The following PTPRD variants were observed in gnomAD, a reference collection of about 807,000 sequenced individuals.
The protein encoded by PTPRD is protein tyrosine phosphatase receptor type D.
Under a neutral mutation model 214.5 loss-of-function variants are expected in PTPRD, and 34 were observed. The ratio of observed to expected loss-of-function variants is 0.16; its 90% CI spans 0.12 to 0.21. The LOEUF is 0.21. Among genes scored for constraint, PTPRD ranks in the 10% least tolerant of loss-of-function variants. The probability of loss-of-function intolerance (pLI) is 1.00; values close to 1 mark genes in which losing one functional copy is unlikely to be tolerated. For synonymous variants in PTPRD, 1,128 were observed against 845.7 expected (o/e 1.33, Z -5.79); for missense variants, 2,545 against 2,398.7 (o/e 1.06, Z -1.27).
At chr9:9,886,906 G>A (rs758875325) in intron 5 of PTPRD, among the ~76,000 whole-genome samples, 3 of 152,114 alleles carry the variant, frequency 2.0e-5, no homozygotes, top group Non-Finnish European at 4.4e-5. Flanking sequence ...CCCAGATGGA[G>A]CAGGCCAGAT....
At chr9:9,320,132 A>C (rs1965710107) in intron 9 of PTPRD, among the ~76,000 whole-genome samples, 1 of 152,192 alleles carries the variant, frequency 6.6e-6, no homozygotes, top group Non-Finnish European at 1.5e-5. Flanking sequence ...TAGGTATATA[A>C]GAATTCCTTT....
rs2138591186 is a variant in PTPRD, at chr9:8,518,390, C to T, written c.1001G>A (p.Ser334Asn). Residue 334 changes from serine to asparagine, a missense_variant, in exon 21 of 46, where the codon AGC becomes AAC. Transcript: ENST00000381196. Reference protein sequence around the residue: ...KPPGTPVVTESTATSITLTWD... With the variant: ...KPPGTPVVTENTATSITLTWD... ...CGTCAGTGTGATGCTTGTAGCTGTG[C>T]TCTCGGTCACTACAGGAGTTCCTGG... is the stretch of plus-strand genomic sequence containing the variant. The T allele has an allele frequency of 6.2e-7, 1 of 1,613,340 alleles. No homozygotes were observed. Among genetic ancestry groups the T allele is most frequent in the Non-Finnish European group, 8.5e-7 (1 of 1,179,650 alleles).
At chr9:10,117,214 G>A (rs144253416) in intron 3 of PTPRD, among the ~76,000 whole-genome samples, 50 of 152,006 alleles carry the variant, frequency 3.3e-4, no homozygotes, top group Non-Finnish European at 6.6e-4. Context: ...CTTTCAACAC[G>A]GCAAGAAAAC....
At chr9:10,036,278 G>A (rs2097179321) in intron 3 of PTPRD, among the ~76,000 whole-genome samples, 1 of 152,028 alleles carries the variant, frequency 6.6e-6, no homozygotes, top group Non-Finnish European at 1.5e-5. Context: ...ACATACAAAT[G>A]GTAGATTGTT....
intron 4 of PTPRD, among the ~76,000 whole-genome samples, chr9:9,976,331 A>T (rs1048314346): frequency 6.6e-6 from 1 of 152,056 alleles, no homozygotes; most frequent in Non-Finnish European, 1.5e-5. Flanking sequence ...AAAACAAAAA[A>T]TATACTTTGT....
chr9:9,698,970 T>C (rs1256771497), intron 7 of PTPRD, among the ~76,000 whole-genome samples: 1 of 152,206 alleles, frequency 6.6e-6, no homozygotes, highest in African/African-American at 2.4e-5. Context: ...TCACTGTTCC[T>C]TGTGTCTAAC....
chr9:8,354,661 T>C (rs929619075), intron 39 of PTPRD, among the ~76,000 whole-genome samples: 1 of 152,208 alleles, frequency 6.6e-6, no homozygotes, highest in African/African-American at 2.4e-5. Flanking sequence ...GTTGCATATA[T>C]TTACAGGCTT....
chr9:9,135,323 C>T (rs547821613), intron 10 of PTPRD, among the ~76,000 whole-genome samples: 31 of 152,252 alleles, frequency 2.0e-4, no homozygotes, highest in South Asian at 1.0e-3. Flanking sequence ...TTTATCACTT[C>T]CTATGTAATC....
At chr9:8,645,240 T>G (rs1200534566) in intron 12 of PTPRD, among the ~76,000 whole-genome samples, 1 of 152,204 alleles carries the variant, frequency 6.6e-6, no homozygotes. Flanking sequence ...AAGTGTAACA[T>G]CATCCCAGGA....
intron 30 of PTPRD, among the ~76,000 whole-genome samples, chr9:8,483,213 T>C (rs1384601675): frequency 6.6e-6 from 1 of 152,228 alleles, no homozygotes; most frequent in Non-Finnish European, 1.5e-5. Context: ...CTCTATGCTG[T>C]GCTACATTCA....
At chr9:10,122,037 G>C (rs2154249176) in intron 3 of PTPRD, among the ~76,000 whole-genome samples, 1 of 152,336 alleles carries the variant, frequency 6.6e-6, no homozygotes, top group African/African-American at 2.4e-5. Flanking sequence ...GCCTGGTGCG[G>C]TGGCTCACGC....
intron 7 of PTPRD, among the ~76,000 whole-genome samples, chr9:9,656,693 G>A (rs1251363022): frequency 6.6e-6 from 1 of 152,076 alleles, no homozygotes; most frequent in Admixed American, 6.6e-5. Context: ...TATAATGGTG[G>A]ATACATCATT....
chr9:10,426,125 CTCTT>C (rs2098612223), intron 2 of PTPRD, among the ~76,000 whole-genome samples: 1 of 151,890 alleles, frequency 6.6e-6, no homozygotes, highest in Admixed American at 6.6e-5. Flanking sequence ...CTTAAGAAAT[CTCTT>C]TCTATACCTT....
intron 4 of PTPRD, among the ~76,000 whole-genome samples, chr9:9,940,956 C>A (rs920045736): frequency 3.3e-5 from 5 of 152,094 alleles, no homozygotes; most frequent in Non-Finnish European, 7.4e-5. Context: ...CTCCACAAAT[C>A]ACTTAGACCT....
Position 8,319,857 on chromosome 9 carries a change from G to T in PTPRD, c.5644C>A (p.Gln1882Lys), listed in dbSNP as rs1177588283. Residue 1882 changes from glutamine (Q) to lysine (K), a missense_variant, in exon 45 of 46, where the codon CAA (glutamine) becomes AAA (lysine). Coordinates refer to ENST00000381196, the MANE Select transcript of PTPRD (RefSeq NM_002839.4). ...IFQTVKMLRT[Q>K]RPAMVQTEDQ... ...TCTGTCTGTACCATAGCTGGTCGTT[G>T]TGTTCTTAACATTTTGACAGTCTGG... 6.2e-7 allele frequency: 1 copy of T among 1,612,920 alleles called. No homozygotes were observed. Among genetic ancestry groups the T allele is most frequent in the Non-Finnish European group, 8.5e-7 (1 of 1,179,350 alleles).
chr9:9,081,483 T>G (rs1331391812), intron 10 of PTPRD, among the ~76,000 whole-genome samples: 2 of 152,128 alleles, frequency 1.3e-5, no homozygotes, highest in Non-Finnish European at 2.9e-5. Context: ...TGATTTTGGG[T>G]GGAGAATTCT....
chr9:10,464,412 C>CAGAGAGAGAGATAGAGAGACAG (rs2098979753), intron 2 of PTPRD, among the ~76,000 whole-genome samples: 1 of 143,374 alleles, frequency 7.0e-6, no homozygotes. Context: ...GATAGAGAGA[C>CAGAGAGAGAGATAGAGAGACAG]AGAGAGAGAG....
intron 11 of PTPRD, among the ~76,000 whole-genome samples, chr9:8,750,742 A>C (rs1297009451): frequency 1.3e-5 from 2 of 152,150 alleles, no homozygotes; most frequent in Non-Finnish European, 2.9e-5. Flanking sequence ...GCAGAGAATG[A>C]TACCAGGCAG....
chr9:10,057,851 C>CA (rs112975551), intron 3 of PTPRD, among the ~76,000 whole-genome samples: 60,894 of 140,656 alleles, frequency 0.43, 15,084 homozygotes, highest in African/African-American at 0.69. Flanking sequence ...CAAAAAAAAA[C>CA]AAAAAAAAAA....
Sources: gnomAD v4.1 joint callset for allele counts (sites outside exome capture counted in the v4.1 genomes callset) on GRCh38, gnomAD v4.1.1 for gene constraint, MANE v1.5 for transcripts, NCBI Gene and HGNC (gene_info 2026-07-23, HGNC 2026-07-21) for gene names.